Variants in MCF2L2 observed in about 807,000 individuals in gnomAD.
The protein encoded by MCF2L2 is MCF.2 cell line derived transforming sequence-like 2, also known as probable guanine nucleotide exchange factor MCF2L2.
A neutral mutation model predicts 150.2 loss-of-function variants in MCF2L2; 102 were observed. The ratio of observed to expected loss-of-function variants is 0.68; its 90% CI spans 0.58 to 0.80. The LOEUF (loss-of-function observed/expected upper bound fraction) is 0.80. MCF2L2 is among the 30% of genes least tolerant of loss of function. The probability of loss-of-function intolerance (pLI) is 0.00; values close to 1 mark genes in which losing one functional copy is unlikely to be tolerated. For missense variants in MCF2L2, 1,256 were observed against 1,372.8 expected (o/e 0.91, Z 1.34); for synonymous variants, 465 against 491.3 (o/e 0.95, Z 0.71).
chr3:183,218,492 G>A (rs1455916997), intron 21 of MCF2L2, among the ~76,000 whole-genome samples: 1 of 151,978 alleles, frequency 6.6e-6, no homozygotes, highest in Non-Finnish European at 1.5e-5. Flanking sequence ...AAAATTAGCC[G>A]GGCGTGGTGG....
intron 1 of MCF2L2, among the ~76,000 whole-genome samples, chr3:183,417,115 CAAAAAAAAAAAAAAAAAA>C (rs74989072): frequency 4.5e-5 from 2 of 44,214 alleles, no homozygotes; most frequent in Non-Finnish European, 8.8e-5. Flanking sequence ...GACTCTGTCT[CAAAAAAAAAAAAAAAAAA>C]AAAAAAAAAA....
At chr3:183,253,131 C>CAAG (rs1334417400) in intron 15 of MCF2L2, 2 of 134,272 alleles carry the variant, frequency 1.5e-5, no homozygotes, top group Admixed American at 1.6e-4. Context: ...CCATCACCTT[C>CAAG]ACCTACGCGC....
intron 27 of MCF2L2, among the ~76,000 whole-genome samples, chr3:183,191,868 T>G (rs1428865703): frequency 6.6e-6 from 1 of 152,018 alleles, no homozygotes; most frequent in African/African-American, 2.4e-5. Context: ...TGAGACAGAG[T>G]CTCGCTCTGT....
In MCF2L2 at chr3:183,210,061, C is replaced by T. The variant is rs182150429; in HGVS notation, c.2497-2238G>A. ...CATTTTAAACATTCGACGCATCTTA[C>T]AGAAATATATACAGTATAGACAGAT... On this transcript the variant is annotated intron_variant, in intron 22 of 29. Coordinates refer to ENST00000328913, the MANE Select transcript of MCF2L2 (RefSeq NM_015078.4). Among the ~76,000 whole-genome samples, 23 of 152,152 alleles carry T rather than the reference C, an allele frequency of 1.5e-4. No homozygotes were observed. In the South Asian group the frequency reaches 1.7e-3, roughly 11 times the overall value.
chr3:183,281,704 T>G (rs1727492383), intron 14 of MCF2L2, among the ~76,000 whole-genome samples: 1 of 152,042 alleles, frequency 6.6e-6, no homozygotes, highest in Non-Finnish European at 1.5e-5. Flanking sequence ...GGGCGATTCC[T>G]GGAGGAAAGG....
At chr3:183,206,314 CT>C (rs1461290117) in intron 23 of MCF2L2, 100 bp from the exon 24 acceptor site, 8 of 857,420 alleles carry the variant, frequency 9.3e-6, no homozygotes, top group Non-Finnish European at 1.5e-5. Flanking sequence ...TGACAGCTCT[CT>C]TCTTTCATCT....
At chr3:183,402,205 A>G (rs926259854) in intron 1 of MCF2L2, among the ~76,000 whole-genome samples, 8 of 151,970 alleles carry the variant, frequency 5.3e-5, no homozygotes, top group Non-Finnish European at 8.8e-5. Context: ...GCACTTTGGG[A>G]GGCCGAGGCA....
chr3:183,219,043 C>T (rs1017377410), intron 21 of MCF2L2, among the ~76,000 whole-genome samples: 6 of 152,148 alleles, frequency 3.9e-5, no homozygotes, highest in African/African-American at 9.7e-5. Flanking sequence ...AGAGAAACCG[C>T]ACTGCTATAA....
intron 14 of MCF2L2, among the ~76,000 whole-genome samples, chr3:183,282,798 T>G (rs1382631842): frequency 6.6e-6 from 1 of 152,264 alleles, no homozygotes; most frequent in Admixed American, 6.5e-5. Context: ...CAAGCAAATT[T>G]GGTCCCAAAG....
intron 15 of MCF2L2, among the ~76,000 whole-genome samples, chr3:183,269,126 A>G (rs1423610815): frequency 6.6e-6 from 1 of 150,896 alleles, no homozygotes; most frequent in Non-Finnish European, 1.5e-5. Context: ...GCCTTGATCT[A>G]TGTATCTGCT....
intron 6 of MCF2L2, among the ~76,000 whole-genome samples, chr3:183,322,879 A>T (rs1199660330): frequency 6.6e-6 from 1 of 152,140 alleles, no homozygotes; most frequent in Non-Finnish European, 1.5e-5. Context: ...CGTTAGAATC[A>T]TCTGGGGAGT....
intron 3 of MCF2L2, among the ~76,000 whole-genome samples, chr3:183,342,830 G>T (rs577542559): frequency 6.6e-6 from 1 of 152,156 alleles, no homozygotes; most frequent in East Asian, 1.9e-4. Flanking sequence ...ATAAGTAGTT[G>T]GCCTATAGTA....
At chr3:183,294,434 C>A (rs1325535442) in intron 13 of MCF2L2, among the ~76,000 whole-genome samples, 1 of 151,788 alleles carries the variant, frequency 6.6e-6, no homozygotes, top group African/African-American at 2.4e-5. Context: ...TCACTGCAAC[C>A]TCTGCCTCCC....
At chr3:183,338,447 CAAA>C (rs58920831) in intron 5 of MCF2L2, among the ~76,000 whole-genome samples, 6 of 104,692 alleles carry the variant, frequency 5.7e-5, no homozygotes, top group East Asian at 2.8e-4. Context: ...AACTCTATCT[CAAA>C]AAAAAAAAAA....
intron 2 of MCF2L2, among the ~76,000 whole-genome samples, chr3:183,381,883 A>C (rs930793261): frequency 2.0e-5 from 3 of 152,178 alleles, no homozygotes; most frequent in African/African-American, 7.2e-5. Flanking sequence ...GTTTCAGAGA[A>C]ATGTGCATTC....
intron 3 of MCF2L2, among the ~76,000 whole-genome samples, chr3:183,366,150 A>G (rs1275629881): frequency 2.0e-5 from 3 of 152,206 alleles, no homozygotes; most frequent in African/African-American, 7.2e-5. Flanking sequence ...TTTCAAACCT[A>G]CAACAAAATA....
At chr3:183,392,361 T>C (rs1008076714) in intron 1 of MCF2L2, among the ~76,000 whole-genome samples, 6 of 152,154 alleles carry the variant, frequency 3.9e-5, no homozygotes, top group Non-Finnish European at 5.9e-5. Context: ...TCCCAGACCC[T>C]TGGCCTTGAG....
At chr3:183,276,175 C>T (rs946081439) in intron 15 of MCF2L2, among the ~76,000 whole-genome samples, 2 of 152,150 alleles carry the variant, frequency 1.3e-5, no homozygotes, top group African/African-American at 4.8e-5. Context: ...TTTGAATACA[C>T]CGTAAGTGAA....
At chr3:183,222,723 C>T in intron 20 of MCF2L2, among the ~76,000 whole-genome samples, 1 of 152,092 alleles carries the variant, frequency 6.6e-6, no homozygotes, top group East Asian at 1.9e-4. Flanking sequence ...CGTGGTGGCC[C>T]AAACCTTTCT....
Sources: gnomAD v4.1 joint callset for allele counts (sites outside exome capture counted in the v4.1 genomes callset) on GRCh38, gnomAD v4.1.1 for gene constraint, MANE v1.5 for transcripts, NCBI Gene and HGNC (gene_info 2026-07-23, HGNC 2026-07-21) for gene names.